The following SGCD variants were observed in gnomAD, a reference collection of about 807,000 sequenced individuals.
The protein encoded by SGCD is sarcoglycan delta, also known as delta-sarcoglycan.
A neutral mutation model predicts 36.6 loss-of-function variants in SGCD; 18 were observed. The ratio of observed to expected loss-of-function variants is 0.49; its 90% CI spans 0.34 to 0.73. SGCD has a LOEUF of 0.73. Among genes scored for constraint, SGCD ranks in the 30% least tolerant of loss-of-function variants. The probability of loss-of-function intolerance (pLI) is 0.01; values close to 1 mark genes in which losing one functional copy is unlikely to be tolerated. For synonymous variants in SGCD, 133 were observed against 130.6 expected, an observed-to-expected ratio of 1.02 and a Z score of -0.12; for missense variants, 387 against 346.7, an observed-to-expected ratio of 1.12 and a Z score of -0.92.
chr5:156,372,232 C>T (rs576045317), intron 3 of SGCD, among the ~76,000 whole-genome samples: 80 of 152,142 alleles, frequency 5.3e-4, no homozygotes, highest in Non-Finnish European at 4.3e-4. Flanking sequence ...AAACATATCA[C>T]TGAATATTAT....
At chr5:155,913,075 C>T (rs532527368) in intron 1 of SGCD, among the ~76,000 whole-genome samples, 7 of 152,178 alleles carry the variant, frequency 4.6e-5, no homozygotes, top group African/African-American at 1.7e-4. Context: ...AAACTTTTTT[C>T]TCTTTTTAAG....
chr5:156,472,226 T>A (rs1405925220), intron 3 of SGCD, among the ~76,000 whole-genome samples: 2 of 152,164 alleles, frequency 1.3e-5, no homozygotes, highest in Admixed American at 6.5e-5. Flanking sequence ...TGTATACCGA[T>A]CTTATGACCC....
At chr5:156,172,769 G>A (rs1763374390) in intron 3 of SGCD, among the ~76,000 whole-genome samples, 1 of 151,862 alleles carries the variant, frequency 6.6e-6, no homozygotes, top group African/African-American at 2.4e-5. Context: ...CCTGGGAGGT[G>A]TAAGCACTTG....
At chr5:156,740,399 T>C (rs1756610582) in intron 7 of SGCD, among the ~76,000 whole-genome samples, 1 of 152,230 alleles carries the variant, frequency 6.6e-6, no homozygotes, top group Non-Finnish European at 1.5e-5. Flanking sequence ...AATGAAGAAA[T>C]TGTTTGAAAA....
chr5:156,487,788 C>CAAAAAAAA (rs56006984), intron 3 of SGCD, among the ~76,000 whole-genome samples: 63 of 41,342 alleles, frequency 1.5e-3, no homozygotes, highest in Non-Finnish European at 2.4e-3. Flanking sequence ...ACTCTGTCAC[C>CAAAAAAAA]AAAAAAAAAA....
At chr5:155,839,938 C>CTT in the SGCD span, among the ~76,000 whole-genome samples, 6,365 of 148,216 alleles carry the variant, frequency 0.043, 424 homozygotes, top group East Asian at 0.18. Flanking sequence ...TTTGAAAACA[C>CTT]TTTTTTTTTT....
chr5:156,213,794 G>C (rs1239913938), intron 3 of SGCD, among the ~76,000 whole-genome samples: 1 of 151,948 alleles, frequency 6.6e-6, no homozygotes, highest in Non-Finnish European at 1.5e-5. Context: ...TTATATCTGG[G>C]ATTTAAGCAT....
At chr5:156,424,191 T>C (rs567189697) in intron 3 of SGCD, among the ~76,000 whole-genome samples, 23 of 152,216 alleles carry the variant, frequency 1.5e-4, no homozygotes, top group African/African-American at 5.3e-4. Flanking sequence ...TATATGTTCA[T>C]GCATATTGTC....
the SGCD span, among the ~76,000 whole-genome samples, chr5:155,766,012 T>C: frequency 2.0e-5 from 3 of 152,132 alleles, no homozygotes; most frequent in South Asian, 6.2e-4. Context: ...CCTTGGGTCA[T>C]TTTAAAGGGA....
chr5:156,501,385 T>C (rs1039558735), intron 3 of SGCD, among the ~76,000 whole-genome samples: 3 of 151,816 alleles, frequency 2.0e-5, no homozygotes, highest in Non-Finnish European at 4.4e-5. Flanking sequence ...ACAAAGGGAG[T>C]CAGGGGAAGG....
At chr5:156,695,485 A>C (rs1468156111) in intron 7 of SGCD, among the ~76,000 whole-genome samples, 2 of 128,340 alleles carry the variant, frequency 1.6e-5, no homozygotes, top group Admixed American at 7.5e-5. Context: ...ACCTCTCTCG[A>C]TAGATAGATA....
intron 3 of SGCD, among the ~76,000 whole-genome samples, chr5:156,383,826 A>G (rs940491360): frequency 1.3e-5 from 2 of 152,144 alleles, no homozygotes; most frequent in Non-Finnish European, 2.9e-5. Context: ...TTCTTTGATG[A>G]GTCACCAGAT....
At chr5:156,108,664 A>G (rs944501873) in intron 1 of SGCD, among the ~76,000 whole-genome samples, 5 of 152,152 alleles carry the variant, frequency 3.3e-5, no homozygotes, top group African/African-American at 9.7e-5. Context: ...TATTATTTCT[A>G]TCAAGTCTTA....
At chr5:156,504,095 T>A (rs1037199674) in intron 3 of SGCD, among the ~76,000 whole-genome samples, 1 of 151,728 alleles carries the variant, frequency 6.6e-6, no homozygotes, top group Non-Finnish European at 1.5e-5. Flanking sequence ...TCTCAGCTAC[T>A]CAGGAGGCTG....
At chr5:156,200,280 G>A (rs1288695060) in intron 3 of SGCD, among the ~76,000 whole-genome samples, 2 of 152,080 alleles carry the variant, frequency 1.3e-5, no homozygotes, top group Non-Finnish European at 2.9e-5. Flanking sequence ...CAAAACAGCA[G>A]TAATCAAGAT....
intron 6 of SGCD, among the ~76,000 whole-genome samples, chr5:156,603,015 G>T (rs1761263924): frequency 6.8e-6 from 1 of 146,968 alleles, no homozygotes; most frequent in African/African-American, 2.5e-5. Context: ...AAAAGAATTA[G>T]TAATACTTCT....
chr5:155,873,383 A>G (rs1755701148), intron 1 of SGCD, among the ~76,000 whole-genome samples: 1 of 152,196 alleles, frequency 6.6e-6, no homozygotes, highest in Non-Finnish European at 1.5e-5. Context: ...CATTGTCTTA[A>G]GTGAAATAAC....
At position 156,019,470 on chromosome 5, in the gene SGCD, G is replaced by A. The variant is rs113304688; in HGVS notation, c.-281-98408G>A. ...TAATGATCTCCCTTCCTTTCATTTA[G>A]CAGGCAAAATAACATTTCTTTGAAA... On this transcript the variant is annotated intron_variant, in intron 1 of 9. Transcript: ENST00000517913. Among the ~76,000 whole-genome samples the A allele has an allele frequency of 5.0e-3, 754 of 152,180 alleles. 9 individuals carry two copies. Among genetic ancestry groups the A allele is most frequent in the African/African-American group, 0.017 (704 of 41,516 alleles).
At chr5:155,969,716 T>G (rs78058838) in intron 1 of SGCD, among the ~76,000 whole-genome samples, 3,774 of 152,114 alleles carry the variant, frequency 0.025, 157 homozygotes, top group African/African-American at 0.081. Flanking sequence ...ACTGCCTCTT[T>G]CAGTTGTCCT....
Sources: allele counts gnomAD v4.1 joint callset (sites outside exome capture counted in the v4.1 genomes callset), GRCh38; gene constraint gnomAD v4.1.1; transcripts MANE v1.5; gene names NCBI Gene and HGNC (gene_info 2026-07-23, HGNC 2026-07-21).